SSU72: variants seen among roughly 807,000 people sequenced by gnomAD.
SSU72 encodes RNA polymerase II subunit A C-terminal domain phosphatase SSU72.
A neutral mutation model predicts 22.7 loss-of-function variants in SSU72; 12 were observed. The ratio of observed to expected loss-of-function variants is 0.53; its 90% CI spans 0.34 to 0.86. The LOEUF is 0.86. Ranked by LOEUF, SSU72 falls within the 40% of genes least tolerant of loss-of-function variation. The pLI, the probability that SSU72 is intolerant of heterozygous loss-of-function variation, is 0.02. For missense variants in SSU72, 151 were observed against 249.8 expected (o/e 0.60, Z 2.67); for synonymous variants, 116 against 98.3 (o/e 1.18, Z -1.06).
chr1:1,547,542 G>A (rs1642404964), intron 2 of SSU72, among the ~76,000 whole-genome samples: 1 of 152,224 alleles, frequency 6.6e-6, no homozygotes, highest in Non-Finnish European at 1.5e-5. Flanking sequence ...GAGGCTGTGA[G>A]GACCTGAGGA....
chr1:1,549,541 G>GA (rs1001256854), intron 2 of SSU72, among the ~76,000 whole-genome samples: 10 of 143,746 alleles, frequency 7.0e-5, no homozygotes, highest in Non-Finnish European at 1.1e-4. Context: ...GAAAGAAAAA[G>GA]AAAAAAAAAG....
Position 1,542,174 on chromosome 1 carries a change from G to A in SSU72, c.484-7C>T, listed in dbSNP as rs973916583. The A allele has an allele frequency of 6.3e-7, 1 of 1,576,304 alleles. No homozygotes were observed. Among genetic ancestry groups the A allele is most frequent in the South Asian group, 1.2e-5 (1 of 86,002 alleles). On this transcript the variant is annotated splice_region_variant and splice_polypyrimidine_tract_variant and intron_variant, in intron 4 of 4. Transcript: ENST00000291386. This position sits in a 1 kb window ranked among gnomAD's most constrained non-coding sequence, Gnocchi z 4.4. ...TGTCTTCCGTGTGCTGGATCTGCAA[G>A]GACAGGACCGTGGTGAGGGCCTTGC... is the stretch of plus-strand genomic sequence containing the variant.
chr1:1,543,034 A>G (rs557092429), intron 4 of SSU72, among the ~76,000 whole-genome samples: 13 of 152,328 alleles, frequency 8.5e-5, no homozygotes, highest in African/African-American at 3.1e-4. Context: ...TGTCTTTCAC[A>G]GACATTCATC....
chr1:1,551,929 C>A (rs1480374394), intron 2 of SSU72, among the ~76,000 whole-genome samples: 2 of 152,184 alleles, frequency 1.3e-5, no homozygotes, highest in African/African-American at 4.8e-5. Context: ...CATAATGCAA[C>A]AGAGCACAGC....
In SSU72 at chr1:1,542,857, C is replaced by A. The variant is rs551136316; in HGVS notation, c.484-690G>T. On this transcript the variant is annotated intron_variant, in intron 4 of 4. Transcript: ENST00000291386. The surrounding 1 kb of genome is among the most constrained non-coding windows in gnomAD (Gnocchi z 4.4). ...AGACCGTCCCTGGCGCTTCAGCAGC[C>A]ACACTGGACCGTGAGGCACGTGGGG... Among the ~76,000 whole-genome samples the A allele has an allele frequency of 5.8e-4, 88 of 152,328 alleles. No homozygotes were observed. The highest frequency in any genetic ancestry group is 1.0e-3 in the Non-Finnish European group (70 of 68,034).
At chr1:1,567,405 G>A (rs1214083710) in intron 1 of SSU72, among the ~76,000 whole-genome samples, 1 of 152,198 alleles carries the variant, frequency 6.6e-6, no homozygotes, top group Admixed American at 6.5e-5. Context: ...AGCGATTCAT[G>A]ACTACAAACC....
At chr1:1,559,595 T>C (rs919453351) in intron 2 of SSU72, among the ~76,000 whole-genome samples, 1 of 152,160 alleles carries the variant, frequency 6.6e-6, no homozygotes, top group Non-Finnish European at 1.5e-5. Flanking sequence ...CTACTATTAT[T>C]ACTACCCTGG....
rs1642339162 is a variant in SSU72 at position 1,542,775 on chromosome 1, C to T, written c.484-608G>A. Among the ~76,000 whole-genome samples the T allele has an allele frequency of 1.3e-5, 2 of 152,212 alleles. No homozygotes were observed. The highest frequency in any genetic ancestry group is 1.3e-4 in the Admixed American group (2 of 15,290). On this transcript the variant is annotated intron_variant, in intron 4 of 4. Coordinates refer to ENST00000291386, the MANE Select transcript of SSU72 (RefSeq NM_014188.3). The surrounding 1 kb of genome is among the most constrained non-coding windows in gnomAD (Gnocchi z 4.4). ...CAACGTGACCCAAGCAGAAATCGTG[C>T]AATAACTTCTGGGACGACATTTTCT... is the stretch of plus-strand genomic sequence containing the variant.
At chr1:1,571,186 A>C (rs1642725897) in intron 1 of SSU72, among the ~76,000 whole-genome samples, 1 of 141,898 alleles carries the variant, frequency 7.0e-6, no homozygotes, top group African/African-American at 2.6e-5. Flanking sequence ...CGGAGGTTGC[A>C]GTGAGCTGAA....
Position 1,542,441 on chromosome 1 carries a change from C to T in SSU72, c.484-274G>A, listed in dbSNP as rs1044534148. 1.1e-4 allele frequency among the ~76,000 whole-genome samples: 17 copies of T among 152,276 alleles called. No individual in the cohort carries two copies. The highest frequency in any genetic ancestry group is 1.9e-4 in the Non-Finnish European group (13 of 68,016). On this transcript the variant is annotated intron_variant, in intron 4 of 4. Coordinates refer to ENST00000291386, the MANE Select transcript of SSU72 (RefSeq NM_014188.3). The surrounding 1 kb of genome is among the most constrained non-coding windows in gnomAD (Gnocchi z 4.4). The stretch of plus-strand genomic sequence containing the variant: ...GCTGGATTCTGAGAGGGGCCCAGCA[C>T]GGAGACCTGGCGGCCAGGGCTCAGA...
rs1445701721 is a variant in SSU72, at chr1:1,542,843, G to C, written c.484-676C>G. Among the ~76,000 whole-genome samples, 10 of 152,196 alleles carry C rather than the reference G, an allele frequency of 6.6e-5. 1 individual carries two copies. The South Asian group carries it at 1.9e-3, about 28-fold the overall frequency. On this transcript the variant is annotated intron_variant, in intron 4 of 4. Transcript: ENST00000291386. This position sits in a 1 kb window ranked among gnomAD's most constrained non-coding sequence, Gnocchi z 4.4. ...CCAGGCGATCATGAAGACCGTCCCT[G>C]GCGCTTCAGCAGCCACACTGGACCG...
chr1:1,548,730 T>G (rs2100707289), intron 2 of SSU72, among the ~76,000 whole-genome samples: 1 of 152,200 alleles, frequency 6.6e-6, no homozygotes, highest in South Asian at 2.1e-4. Flanking sequence ...CCACTCTGCG[T>G]CCTCCCACTC....
rs972950499 is a variant in SSU72 at position 1,542,017 on chromosome 1, A to G, written c.*49T>C. ...TAAAAACAAATGTCAGGAAGGAAAA[A>G]GTATGAACAACAGGAAGCTCCAGAG... On this transcript the variant is annotated 3_prime_UTR_variant, in exon 5 of 5. Transcript: ENST00000291386. The surrounding 1 kb of genome is among the most constrained non-coding windows in gnomAD (Gnocchi z 4.4). 2 of 1,523,198 alleles carry G rather than the reference A, an allele frequency of 1.3e-6. No individual in the cohort carries two copies. The highest frequency in any genetic ancestry group is 3.9e-5 in the Admixed American group (2 of 50,688). The allele number at this position is 1,523,198 out of a possible 1,614,324, so 94.4% of individuals were successfully genotyped here.
intron 2 of SSU72, among the ~76,000 whole-genome samples, chr1:1,547,827 G>A (rs551181585): frequency 3.9e-4 from 59 of 152,356 alleles, no homozygotes; most frequent in East Asian, 1.9e-4. Context: ...ACTGCCGGGC[G>A]GGAGGAAGGG....
At chr1:1,566,807 T>C (rs547386582) in intron 1 of SSU72, among the ~76,000 whole-genome samples, 1 of 150,934 alleles carries the variant, frequency 6.6e-6, no homozygotes, top group South Asian at 2.1e-4. Context: ...TGAGCTGAGA[T>C]CGCGCCACTG....
chr1:1,544,661 A>G, intron 3 of SSU72: 1 of 644,198 alleles, frequency 1.6e-6, no homozygotes, highest in Non-Finnish European at 2.7e-6. Flanking sequence ...AGGCCCCTTG[A>G]AGCCCATGAG....
intron 1 of SSU72, among the ~76,000 whole-genome samples, chr1:1,571,304 G>A (rs1642728812): frequency 1.4e-5 from 2 of 142,178 alleles, no homozygotes; most frequent in South Asian, 2.2e-4. Flanking sequence ...GTGGTGGCAG[G>A]CGCCTGTAGT....
chr1:1,568,646 G>A (rs960152904), intron 1 of SSU72, among the ~76,000 whole-genome samples: 3 of 151,942 alleles, frequency 2.0e-5, no homozygotes, highest in Admixed American at 6.6e-5. Context: ...GCCATCAGGC[G>A]GGGCATGGTG....
At position 1,542,043 on chromosome 1, in the gene SSU72, G is replaced by A; in HGVS notation, c.*23C>T. 3 of 1,558,230 alleles carry A rather than the reference G, an allele frequency of 1.9e-6. No homozygotes were observed. Among genetic ancestry groups the A allele is most frequent in the Non-Finnish European group, 2.6e-6 (3 of 1,150,084 alleles). On this transcript the variant is annotated 3_prime_UTR_variant, in exon 5 of 5. Transcript: ENST00000291386. The surrounding 1 kb of genome is among the most constrained non-coding windows in gnomAD (Gnocchi z 4.4). Reference sequence around the variant, plus strand: ...GTATGAACAACAGGAAGCTCCAGAGGCGGCTCCATGCGGGCGCTGGGCTCA... The same window carrying A: ...GTATGAACAACAGGAAGCTCCAGAGACGGCTCCATGCGGGCGCTGGGCTCA...
Sources: gnomAD v4.1 joint callset for allele counts (sites outside exome capture counted in the v4.1 genomes callset) on GRCh38, gnomAD v4.1.1 for gene constraint, Gnocchi (gnomAD v3.1) non-coding constraint, MANE v1.5 for transcripts, NCBI Gene and HGNC (gene_info 2026-07-23, HGNC 2026-07-21) for gene names.